The following ACTR2 variants were observed in gnomAD, a reference collection of about 807,000 sequenced individuals.
ACTR2 encodes actin-related protein 2.
In ACTR2, 5 loss-of-function variants were observed where a neutral mutation model predicts 50.2. That is an observed-to-expected ratio of 0.10 (90% CI 0.05 to 0.21). ACTR2 has a LOEUF of 0.21. ACTR2 is among the 10% of genes least tolerant of loss of function. The probability of loss-of-function intolerance (pLI) is 1.00; values close to 1 mark genes in which losing one functional copy is unlikely to be tolerated. For missense variants in ACTR2, 180 were observed against 480.6 expected (o/e 0.37, Z 5.85); for synonymous variants, 140 against 162.9 (o/e 0.86, Z 1.07).
At chr2:65,247,211 C>T (rs1671954080) in intron 3 of ACTR2, among the ~76,000 whole-genome samples, 3 of 152,186 alleles carry the variant, frequency 2.0e-5, no homozygotes, top group African/African-American at 7.2e-5. Context: ...TAATAGCCTA[C>T]TGTTGACCAG....
At position 65,240,311 on chromosome 2, in the gene ACTR2, A is replaced by G. The variant is rs575132007; in HGVS notation, c.159+349A>G. Among the ~76,000 whole-genome samples, 46 of 152,218 alleles carry G rather than the reference A, an allele frequency of 3.0e-4. No individual in the cohort carries two copies. In the South Asian group the frequency reaches 9.1e-3, roughly 30 times the overall value. On this transcript the variant is annotated intron_variant, in intron 2 of 8. Coordinates refer to ENST00000260641, the MANE Select transcript of ACTR2 (RefSeq NM_005722.4). ...GTATTTTTATGTCTTTCAATTCCAT[A>G]TATTTGTCATTGTATGTGAGTGTCT...
At chr2:65,237,103 G>T (rs1379104767) in intron 1 of ACTR2, among the ~76,000 whole-genome samples, 2 of 152,086 alleles carry the variant, frequency 1.3e-5, no homozygotes, top group African/African-American at 4.8e-5. Context: ...CTAGGCAGTT[G>T]GAATTCATCA....
chr2:65,268,037 C>CTG (rs1672415928), intron 8 of ACTR2, among the ~76,000 whole-genome samples: 2 of 151,872 alleles, frequency 1.3e-5, no homozygotes, highest in Admixed American at 1.3e-4. Context: ...CGGGGTTTCA[C>CTG]TGTGTTAGCC....
chr2:65,257,128 G>A (rs1270735454), intron 6 of ACTR2, among the ~76,000 whole-genome samples: 1 of 151,082 alleles, frequency 6.6e-6, no homozygotes, highest in Non-Finnish European at 1.5e-5. Flanking sequence ...GGCCCCATGT[G>A]TGTTGTTCCC....
intron 6 of ACTR2, among the ~76,000 whole-genome samples, chr2:65,258,138 C>G (rs951165068): frequency 5.3e-5 from 8 of 152,168 alleles, no homozygotes; most frequent in South Asian, 2.1e-4. Flanking sequence ...GACAGTTTCT[C>G]TAGTTGTCTG....
chr2:65,267,866 T>TTTTTTTTTTTTTTTTTTTTTTTTG (rs1672407194), intron 8 of ACTR2, among the ~76,000 whole-genome samples: 1 of 109,998 alleles, frequency 9.1e-6, no homozygotes, highest in Non-Finnish European at 1.8e-5. Context: ...AGTCCTCTTT[T>TTTTTTTTTTTTTTTTTTTTTTTTG]TTTTTTTTTT....
chr2:65,227,920 A>G lies in ACTR2; in HGVS notation c.11A>G (p.Gln4Arg). The change falls in exon 1 of 9, where the codon CAG (glutamine) becomes CGG (arginine). Residue 4 changes from glutamine (Q) to arginine (R), a missense_variant. By Grantham distance (43) the Gln-to-Arg change is conservative. Transcript: ENST00000260641. MDS[Q>R]GRKVVVCDNG... ...TTCCCTGGGCGGACGATGGACAGCC[A>G]GGGCAGGAAGGTGGTGGTGTGCGAC... 1 of 1,524,968 alleles carries G rather than the reference A, an allele frequency of 6.6e-7. No individual in the cohort carries two copies. Among genetic ancestry groups the G allele is most frequent in the Non-Finnish European group, 8.8e-7 (1 of 1,136,940 alleles). 94.5% of individuals were successfully genotyped at this position (1,524,968 alleles called of 1,614,324 possible).
Position 65,255,609 on chromosome 2 carries a change from A to G in ACTR2, c.650A>G (p.Lys217Arg). ...GATTTTGAAACGGTTCGCATGATTA[A>G]AGAAAAACTGTGTTACGTGGGATAT... Reference protein sequence around the residue: ...SADFETVRMIKEKLCYVGYNI... With the variant: ...SADFETVRMIREKLCYVGYNI... The change falls in exon 6 of 9, where the codon AAA becomes AGA. Residue 217 changes from lysine to arginine, a missense_variant. By Grantham distance (26) the Lys-to-Arg change is conservative. Coordinates refer to ENST00000260641, the MANE Select transcript of ACTR2 (RefSeq NM_005722.4). 6.2e-7 allele frequency: 1 copy of G among 1,614,106 alleles called. No homozygotes were observed. Among genetic ancestry groups the G allele is most frequent in the Non-Finnish European group, 8.5e-7 (1 of 1,179,938 alleles).
intron 1 of ACTR2, among the ~76,000 whole-genome samples, chr2:65,236,925 A>G (rs912085732): frequency 2.0e-5 from 3 of 152,104 alleles, no homozygotes; most frequent in South Asian, 2.1e-4. Context: ...ACTATTTTTC[A>G]TCCTTAATTC....
At position 65,245,533 on chromosome 2, in the gene ACTR2, C is replaced by T. The variant is rs190789705; in HGVS notation, c.160-991C>T. Among the ~76,000 whole-genome samples the T allele has an allele frequency of 3.3e-5, 5 of 152,146 alleles. 1 individual carries two copies. The highest frequency in any genetic ancestry group is 9.6e-5 in the African/African-American group (4 of 41,524). On this transcript the variant is annotated intron_variant, in intron 2 of 8. Transcript: ENST00000260641. ...AGACTCAGTCTCAAAAAAATAATCTCGTGTTAATTTTGCTGCTGCTTTTTT... is the reference window on the plus strand; with the variant it reads ...AGACTCAGTCTCAAAAAAATAATCTTGTGTTAATTTTGCTGCTGCTTTTTT...
chr2:65,266,428 G>A (rs544870549), intron 8 of ACTR2, among the ~76,000 whole-genome samples: 3 of 152,214 alleles, frequency 2.0e-5, no homozygotes, highest in South Asian at 4.1e-4. Flanking sequence ...TGCCAGTGTG[G>A]CTGGAGCAGA....
chr2:65,248,404 AG>A (rs766817181), intron 3 of ACTR2, among the ~76,000 whole-genome samples: 124 of 152,258 alleles, frequency 8.1e-4, no homozygotes, highest in Admixed American at 4.4e-3. Context: ...AGTCTCAAAA[AG>A]AAAAAAAGGG....
chr2:65,260,919 A>G (rs780586037), intron 6 of ACTR2, among the ~76,000 whole-genome samples: 1 of 151,774 alleles, frequency 6.6e-6, no homozygotes, highest in East Asian at 1.9e-4. Context: ...TTTAGTAGAG[A>G]CAGGGTTTCA....
chr2:65,260,069 T>C (rs1048625061), intron 6 of ACTR2, among the ~76,000 whole-genome samples: 1 of 152,214 alleles, frequency 6.6e-6, no homozygotes, highest in African/African-American at 2.4e-5. Flanking sequence ...ATAAAAATAG[T>C]CTAGACCAGT....
chr2:65,257,644 A>G (rs191079274), intron 6 of ACTR2, among the ~76,000 whole-genome samples: 24 of 152,332 alleles, frequency 1.6e-4, no homozygotes, highest in East Asian at 1.4e-3. Flanking sequence ...TCGCCATTCT[A>G]ACTGGCATGA....
chr2:65,247,718 G>A (rs1240467395), intron 3 of ACTR2, among the ~76,000 whole-genome samples: 3 of 152,170 alleles, frequency 2.0e-5, no homozygotes, highest in Non-Finnish European at 4.4e-5. Context: ...TTGCTGTCTC[G>A]GGTGGCAGAG....
chr2:65,257,619 C>T (rs1481110631), intron 6 of ACTR2, among the ~76,000 whole-genome samples: 1 of 152,170 alleles, frequency 6.6e-6, no homozygotes, highest in Non-Finnish European at 1.5e-5. Flanking sequence ...CTGTTGTTTC[C>T]TGACTTTTTA....
Position 65,268,803 on chromosome 2 carries a change from A to C in ACTR2, c.*69A>C, listed in dbSNP as rs139637582. The stretch of plus-strand genomic sequence containing the variant: ...TCCTTTATTGCCAATCTTTGAACTC[A>C]TTCAACTCCAGGACATGGAAGAGGC... On this transcript the variant is annotated 3_prime_UTR_variant, in exon 9 of 9. Transcript: ENST00000260641. 1.1e-5 allele frequency: 17 copies of C among 1,510,098 alleles called. No homozygotes were observed. In the East Asian group the frequency reaches 3.2e-4, roughly 28 times the overall value. The allele number at this position is 1,510,098 out of a possible 1,614,324, so 93.5% of individuals were successfully genotyped here. A position where few individuals can be genotyped will look rare whatever the true frequency, so the allele number is the denominator to read the frequency against.
At chr2:65,263,623 A>G (rs1672318927) in intron 7 of ACTR2, among the ~76,000 whole-genome samples, 1 of 152,256 alleles carries the variant, frequency 6.6e-6, no homozygotes, top group Non-Finnish European at 1.5e-5. Context: ...ATAACAAGCT[A>G]TAAACCTGGT....
Sources: gnomAD v4.1 joint callset for allele counts (sites outside exome capture counted in the v4.1 genomes callset) on GRCh38, gnomAD v4.1.1 for gene constraint, MANE v1.5 for transcripts, NCBI Gene and HGNC (gene_info 2026-07-23, HGNC 2026-07-21) for gene names.